Variants in ADGRL3 observed in about 807,000 individuals in gnomAD.
ADGRL3 encodes calcium-independent alpha-latrotoxin receptor 3.
Under a neutral mutation model 153.5 loss-of-function variants are expected in ADGRL3, and 62 were observed. That is an observed-to-expected ratio of 0.40 (90% CI 0.33 to 0.50). The LOEUF (loss-of-function observed/expected upper bound fraction) is 0.50, where lower values mean the gene tolerates loss of function less well. Among genes scored for constraint, ADGRL3 ranks in the 20% least tolerant of loss-of-function variants. The probability of loss-of-function intolerance (pLI) is 0.47; values close to 1 mark genes in which losing one functional copy is unlikely to be tolerated. For missense variants in ADGRL3, 1,641 were observed against 1,859.4 expected, an observed-to-expected ratio of 0.88 and a Z score of 2.16; for synonymous variants, 710 against 672.5, an observed-to-expected ratio of 1.06 and a Z score of -0.86.
intron 8 of ADGRL3, among the ~76,000 whole-genome samples, chr4:61,764,386 AGGG>A (rs1446569264): frequency 7.1e-6 from 1 of 140,286 alleles, no homozygotes; most frequent in East Asian, 2.2e-4. Flanking sequence ...TTACAGTCCA[AGGG>A]GGTTTGTTCT....
chr4:61,285,084 A>G (rs1031768272), intron 1 of ADGRL3, among the ~76,000 whole-genome samples: 7 of 151,788 alleles, frequency 4.6e-5, no homozygotes, highest in South Asian at 2.1e-4. Flanking sequence ...GAGAGAAACT[A>G]CTTAATCTGT....
chr4:61,610,973 T>A (rs2149681161), intron 5 of ADGRL3, among the ~76,000 whole-genome samples: 2 of 152,262 alleles, frequency 1.3e-5, no homozygotes, highest in African/African-American at 4.8e-5. Context: ...TTGTCTTTCT[T>A]TCCCCACACG....
At chr4:61,656,489 A>G (rs918720539) in intron 5 of ADGRL3, among the ~76,000 whole-genome samples, 1 of 152,134 alleles carries the variant, frequency 6.6e-6, no homozygotes, top group African/African-American at 2.4e-5. Context: ...TTAGTTTTGG[A>G]ATCCAAGCTT....
At chr4:61,704,379 T>G (rs2095820641) in intron 6 of ADGRL3, among the ~76,000 whole-genome samples, 1 of 152,232 alleles carries the variant, frequency 6.6e-6, no homozygotes, top group African/African-American at 2.4e-5. Context: ...GTAATGTTTA[T>G]ACTATACTGT....
At chr4:61,770,689 T>C (rs2152302936) in intron 8 of ADGRL3, among the ~76,000 whole-genome samples, 1 of 152,338 alleles carries the variant, frequency 6.6e-6, no homozygotes, top group Non-Finnish European at 1.5e-5. Context: ...ACAATGGTAG[T>C]TGTTTTAAAC....
At chr4:61,933,716 T>G (rs552264323) in intron 13 of ADGRL3, 1 of 152,238 alleles carries the variant, frequency 6.6e-6, no homozygotes, top group South Asian at 2.1e-4. Context: ...GCTGCATTTT[T>G]AACAGTTGTT....
intron 8 of ADGRL3, chr4:61,775,883 T>TTTTA (rs376527316): frequency 0.042 from 13,508 of 324,424 alleles, 1,244 homozygotes; most frequent in African/African-American, 0.22. Flanking sequence ...CGAATCTTGT[T>TTTTA]TTTATTTATT....
intron 3 of ADGRL3, among the ~76,000 whole-genome samples, chr4:61,500,889 A>G (rs1275793712): frequency 6.6e-6 from 1 of 152,220 alleles, no homozygotes; most frequent in African/African-American, 2.4e-5. Context: ...TAAGGGACAC[A>G]GAGGGAATTT....
At chr4:61,387,676 T>A (rs2096754790) in intron 2 of ADGRL3, among the ~76,000 whole-genome samples, 1 of 152,206 alleles carries the variant, frequency 6.6e-6, no homozygotes, top group African/African-American at 2.4e-5. Flanking sequence ...ATCTCTCTTA[T>A]TCCCTGAGCA....
At chr4:61,829,461 A>C (rs1196541589) in intron 9 of ADGRL3, among the ~76,000 whole-genome samples, 1 of 152,218 alleles carries the variant, frequency 6.6e-6, no homozygotes, top group Non-Finnish European at 1.5e-5. Context: ...CATATGATGT[A>C]AAATTCCATA....
chr4:61,859,986 T>G (rs1382855101), intron 9 of ADGRL3, among the ~76,000 whole-genome samples: 2 of 152,122 alleles, frequency 1.3e-5, no homozygotes, highest in Non-Finnish European at 2.9e-5. Context: ...ATACTAAAAG[T>G]GAAGAAATAT....
intron 1 of ADGRL3, among the ~76,000 whole-genome samples, chr4:61,347,740 T>C (rs1377690486): frequency 6.6e-6 from 1 of 152,150 alleles, no homozygotes; most frequent in African/African-American, 2.4e-5. Flanking sequence ...GATTAATCAG[T>C]ATGATCCTTG....
intron 4 of ADGRL3, among the ~76,000 whole-genome samples, chr4:61,562,826 T>G (rs2098800678): frequency 6.6e-6 from 1 of 152,038 alleles, no homozygotes; most frequent in African/African-American, 2.4e-5. Flanking sequence ...TGAATGTTCT[T>G]AATGGCATTA....
chr4:61,369,491 G>A (rs904187641), intron 1 of ADGRL3, among the ~76,000 whole-genome samples: 22 of 152,216 alleles, frequency 1.4e-4, no homozygotes, highest in Middle Eastern at 3.4e-3. Flanking sequence ...AGATAATCAT[G>A]TGGTTTTTGT....
intron 1 of ADGRL3, among the ~76,000 whole-genome samples, chr4:61,330,272 A>G (rs555854058): frequency 4.4e-4 from 67 of 152,166 alleles, no homozygotes; most frequent in Non-Finnish European, 7.9e-4. Flanking sequence ...GTCTCCAGAA[A>G]AGATTAGCAT....
intron 1 of ADGRL3, among the ~76,000 whole-genome samples, chr4:61,254,308 T>C (rs183361544): frequency 1.4e-4 from 22 of 152,256 alleles, no homozygotes; most frequent in African/African-American, 5.3e-4. Context: ...GTCAGGTAGG[T>C]GTCATTAATG....
intron 25 of ADGRL3, among the ~76,000 whole-genome samples, chr4:62,045,918 TTCTTA>T (rs1247039930): frequency 1.3e-5 from 2 of 151,966 alleles, no homozygotes; most frequent in Non-Finnish European, 2.9e-5. Flanking sequence ...CTCTCAAGTA[TTCTTA>T]TCTTTTTCAA....
At chr4:61,874,078 G>A (rs1455999035) in intron 9 of ADGRL3, among the ~76,000 whole-genome samples, 4 of 152,122 alleles carry the variant, frequency 2.6e-5, no homozygotes, top group Non-Finnish European at 5.9e-5. Flanking sequence ...CAATGCTACG[G>A]CAAACTTAAT....
At chr4:61,565,216 G>A (rs2098811584) in intron 4 of ADGRL3, among the ~76,000 whole-genome samples, 1 of 152,050 alleles carries the variant, frequency 6.6e-6, no homozygotes, top group Admixed American at 6.6e-5. Flanking sequence ...GTATGCCAGT[G>A]TATGTATATA....
Sources: allele counts gnomAD v4.1 joint callset (sites outside exome capture counted in the v4.1 genomes callset), GRCh38; gene constraint gnomAD v4.1.1; transcripts MANE v1.5; gene names NCBI Gene and HGNC (gene_info 2026-07-23, HGNC 2026-07-21).